The following PDE4B variants were observed in gnomAD, a reference collection of about 807,000 sequenced individuals.
PDE4B encodes the protein phosphodiesterase 4B, also known as 3',5'-cyclic-AMP phosphodiesterase 4B.
A neutral mutation model predicts 82.2 loss-of-function variants in PDE4B; 20 were observed. The ratio of observed to expected loss-of-function variants is 0.24; its 90% confidence interval spans 0.17 to 0.35. PDE4B has a LOEUF of 0.35. PDE4B is among the 10% of genes least tolerant of loss of function. The pLI is 1.00. For missense variants in PDE4B, 655 were observed against 907.2 expected, an observed-to-expected ratio of 0.72 and a Z score of 3.57; for synonymous variants, 320 against 318.9, an observed-to-expected ratio of 1.00 and a Z score of -0.04.
At chr1:66,136,993 A>G (rs1347130511) in intron 3 of PDE4B, among the ~76,000 whole-genome samples, 1 of 152,224 alleles carries the variant, frequency 6.6e-6, no homozygotes, top group Non-Finnish European at 1.5e-5. Context: ...TATGAGATCA[A>G]TTGCTATCCT....
intron 3 of PDE4B, among the ~76,000 whole-genome samples, chr1:66,028,136 G>A (rs1015015399): frequency 4.6e-5 from 7 of 152,196 alleles, no homozygotes; most frequent in Admixed American, 6.5e-5. Flanking sequence ...CTGGGCATGC[G>A]TGCATTTTCA....
At chr1:65,999,494 C>T (rs1401618164) in intron 3 of PDE4B, among the ~76,000 whole-genome samples, 1 of 152,236 alleles carries the variant, frequency 6.6e-6, no homozygotes, top group Non-Finnish European at 1.5e-5. Context: ...AGAAAAGTAC[C>T]TGGATGTTAA....
At chr1:66,366,495 T>C (rs1663259836) in intron 13 of PDE4B, among the ~76,000 whole-genome samples, 1 of 152,234 alleles carries the variant, frequency 6.6e-6, no homozygotes, top group Non-Finnish European at 1.5e-5. Context: ...GTTATTGTAG[T>C]CATGAATAAC....
At chr1:65,888,880 A>C (rs1293481479) in intron 1 of PDE4B, among the ~76,000 whole-genome samples, 1 of 152,040 alleles carries the variant, frequency 6.6e-6, no homozygotes, top group Non-Finnish European at 1.5e-5. Context: ...CTAGATATTG[A>C]ATTACACCAT....
chr1:65,792,712 T>C (rs542306686), upstream of PDE4B: 6 of 151,936 alleles, frequency 3.9e-5, no homozygotes, highest in African/African-American at 1.4e-4. Context: ...CACCCTAGAA[T>C]TGACAGGTGG....
intron 3 of PDE4B, among the ~76,000 whole-genome samples, chr1:65,966,959 T>C (rs1258472539): frequency 6.6e-6 from 1 of 152,130 alleles, no homozygotes; most frequent in East Asian, 1.9e-4. Flanking sequence ...GGCAATACCA[T>C]TCAGGACATA....
intron 3 of PDE4B, among the ~76,000 whole-genome samples, chr1:66,171,372 T>C (rs1218749489): frequency 6.6e-6 from 1 of 152,158 alleles, no homozygotes; most frequent in East Asian, 1.9e-4. Flanking sequence ...TAACAAAATA[T>C]AAAAGGAAGC....
At chr1:66,030,413 T>C (rs779847062) in intron 3 of PDE4B, among the ~76,000 whole-genome samples, 19 of 152,198 alleles carry the variant, frequency 1.2e-4, no homozygotes, top group Admixed American at 9.8e-4. Context: ...TTGAAAGGGC[T>C]TTGGTAGGAT....
At chr1:66,208,419 A>G (rs886338639) in intron 3 of PDE4B, among the ~76,000 whole-genome samples, 1 of 152,222 alleles carries the variant, frequency 6.6e-6, no homozygotes, top group Non-Finnish European at 1.5e-5. Context: ...TGTTCTAGCT[A>G]CACCAGCCAG....
At chr1:66,182,633 TGG>T (rs1397581659) in intron 3 of PDE4B, among the ~76,000 whole-genome samples, 1 of 152,162 alleles carries the variant, frequency 6.6e-6, no homozygotes, top group African/African-American at 2.4e-5. Context: ...GATGTCACCC[TGG>T]GAGAAAAGAA....
At chr1:66,004,812 C>T (rs11578944) in intron 3 of PDE4B, among the ~76,000 whole-genome samples, 15,670 of 151,922 alleles carry the variant, frequency 0.1, 1,060 homozygotes, top group Middle Eastern at 0.21. Flanking sequence ...CCTGGCACCA[C>T]CACTTACAAA....
Position 66,259,023 on chromosome 1 carries a change from G to A in PDE4B, c.584+1160G>A, listed in dbSNP as rs141912258. On this transcript the variant is annotated intron_variant, in intron 6 of 16. Coordinates refer to ENST00000341517, the MANE Select transcript of PDE4B (RefSeq NM_002600.4). ...TCATTAAGATAAAGTTTAAATGCTG[G>A]TGCTTGGCACTCAAGACAAATTAAT... Among the ~76,000 whole-genome samples, 1,287 of 152,244 alleles carry A rather than the reference G, an allele frequency of 8.5e-3. 29 individuals carry two copies. Among genetic ancestry groups the A allele is most frequent in the Admixed American group, 0.042 (644 of 15,284 alleles).
At chr1:65,800,562 A>G (rs1014655338) in intron 1 of PDE4B, among the ~76,000 whole-genome samples, 10 of 152,214 alleles carry the variant, frequency 6.6e-5, no homozygotes, top group African/African-American at 2.4e-4. Flanking sequence ...AAGGGTATAA[A>G]ATAAGGCCAG....
chr1:65,836,909 T>G (rs151212287), intron 1 of PDE4B, among the ~76,000 whole-genome samples: 1 of 152,156 alleles, frequency 6.6e-6, no homozygotes, highest in African/African-American at 2.4e-5. Context: ...TTGTTTATAG[T>G]CTTCATGGGG....
intron 3 of PDE4B, among the ~76,000 whole-genome samples, chr1:65,921,687 T>C (rs1336267405): frequency 2.6e-5 from 4 of 152,232 alleles, no homozygotes; most frequent in Non-Finnish European, 4.4e-5. Flanking sequence ...TGTGTTCCAA[T>C]AAAACTTTGT....
intron 8 of PDE4B, among the ~76,000 whole-genome samples, chr1:66,348,469 A>C (rs1010035781): frequency 1.3e-5 from 2 of 152,130 alleles, no homozygotes; most frequent in African/African-American, 4.8e-5. Context: ...TGAAATTGTG[A>C]TGCTCCAGGA....
At chr1:66,189,819 C>T (rs576363539) in intron 3 of PDE4B, among the ~76,000 whole-genome samples, 1 of 152,222 alleles carries the variant, frequency 6.6e-6, no homozygotes, top group African/African-American at 2.4e-5. Context: ...TGTCTGACGC[C>T]TTCTTCTCTC....
At chr1:66,169,531 G>A (rs1646799230) in intron 3 of PDE4B, among the ~76,000 whole-genome samples, 1 of 152,132 alleles carries the variant, frequency 6.6e-6, no homozygotes, top group Non-Finnish European at 1.5e-5. Context: ...ATGTCATTCA[G>A]GAAATCTGAC....
rs574435720 is a variant in PDE4B at position 66,373,620 on chromosome 1, A to G, written c.*942A>G. On this transcript the variant is annotated 3_prime_UTR_variant, in exon 17 of 17. Transcript: ENST00000341517. ...CTCTTGCACTGCCTTCTGCGCTAAC[A>G]CCTCCATTCCTGTTTATAACCGTGT... The G allele has an allele frequency of 6.6e-6, 1 of 152,288 alleles. No individual in the cohort carries two copies. Among genetic ancestry groups the G allele is most frequent in the East Asian group, 1.9e-4 (1 of 5,180 alleles). 9.4% of individuals were successfully genotyped at this position (152,288 alleles called of 1,614,324 possible).
Sources: gnomAD v4.1 joint callset for allele counts (sites outside exome capture counted in the v4.1 genomes callset) on GRCh38, gnomAD v4.1.1 for gene constraint, MANE v1.5 for transcripts, NCBI Gene and HGNC (gene_info 2026-07-23, HGNC 2026-07-21) for gene names.